Variants in PRR5 observed in about 807,000 individuals in gnomAD.
The protein encoded by PRR5 is proline-rich protein 5.
In PRR5, 25 loss-of-function variants were observed where a neutral mutation model predicts 30.6. The observed-to-expected ratio is 0.82, with a 90% CI of 0.60 to 1.14. The LOEUF is 1.14. PRR5 is among the 50% of genes most tolerant of loss of function. The probability of loss-of-function intolerance (pLI) is 0.00; values close to 1 mark genes in which losing one functional copy is unlikely to be tolerated. For missense variants in PRR5, 600 were observed against 547.1 expected (o/e 1.10, Z -0.96); for synonymous variants, 286 against 247.1 (o/e 1.16, Z -1.48).
At chr22:44,722,382 G>T (rs755410895) in intron 2 of PRR5, among the ~76,000 whole-genome samples, 1 of 152,234 alleles carries the variant, frequency 6.6e-6, no homozygotes, top group East Asian at 1.9e-4. Flanking sequence ...GTGCAGGAAC[G>T]TTAGTATTTT....
intron 1 of PRR5, among the ~76,000 whole-genome samples, chr22:44,695,127 T>G (rs2146979482): frequency 6.6e-6 from 1 of 152,268 alleles, no homozygotes; most frequent in South Asian, 2.1e-4. Context: ...GCCAAGATCG[T>G]GCCAGTGCAC....
upstream of PRR5, among the ~76,000 whole-genome samples, chr22:44,676,123 T>G (rs1923740966): frequency 6.6e-6 from 1 of 151,534 alleles, no homozygotes; most frequent in South Asian, 2.1e-4. Context: ...GTGGCTCATG[T>G]CAGTAACCCC....
rs1389393158 is a variant in PRR5 at position 44,735,601 on chromosome 22, T to C, written c.691+439T>C. 3.3e-5 allele frequency among the ~76,000 whole-genome samples: 5 copies of C among 152,218 alleles called. 1 individual carries two copies. Among genetic ancestry groups the C allele is most frequent in the Admixed American group, 1.3e-4 (2 of 15,290 alleles). On this transcript the variant is annotated intron_variant, in intron 7 of 7. Transcript: ENST00000336985. ...GACTGCTTGGCGCGTCCAGCACAGC[T>C]GGCCACGTTGCTCCCTTGACGGAGG...
In PRR5 at chr22:44,732,242, C is replaced by A; in HGVS notation, c.415-9C>A. On this transcript the variant is annotated splice_polypyrimidine_tract_variant and intron_variant, in intron 5 of 7. Transcript: ENST00000336985. ...ACAGCCGGTGGGGTGGGGTGCCTTC[C>A]GTCCACAGGGCAAGGAGCCATCGGT... is the stretch of plus-strand genomic sequence containing the variant. 6.2e-7 allele frequency: 1 copy of A among 1,610,190 alleles called. No individual in the cohort carries two copies. Among genetic ancestry groups the A allele is most frequent in the East Asian group, 2.2e-5 (1 of 44,848 alleles).
At chr22:44,683,120 T>C (rs747832553) in intron 1 of PRR5, among the ~76,000 whole-genome samples, 11 of 152,142 alleles carry the variant, frequency 7.2e-5, no homozygotes, top group Non-Finnish European at 1.5e-4. Context: ...CTCAGGAGGT[T>C]TCAAGGAGGC....
chr22:44,670,834 T>C (rs107485), intron 1 of PRR5, among the ~76,000 whole-genome samples: 117,093 of 151,970 alleles, frequency 0.77, 45,720 homozygotes, highest in African/African-American at 0.9. Flanking sequence ...CCAGGAGGGG[T>C]GGGTGACGAG....
chr22:44,730,592 C>T, intron 4 of PRR5: 1 of 990,994 alleles, frequency 1.0e-6, no homozygotes, highest in Non-Finnish European at 1.2e-6. Context: ...ATGTCTGCTA[C>T]CTACGTATCT....
At chr22:44,676,390 C>CAAAAAAAAAAAAAA (rs59016907), upstream of PRR5, among the ~76,000 whole-genome samples, 13 of 37,018 alleles carry the variant, frequency 3.5e-4, no homozygotes, top group East Asian at 9.7e-4. Context: ...GACCCTGTCT[C>CAAAAAAAAAAAAAA]AAAAAAAAAA....
chr22:44,681,731 T>A (rs1924307308), intron 1 of PRR5, among the ~76,000 whole-genome samples: 1 of 152,204 alleles, frequency 6.6e-6, no homozygotes, highest in Non-Finnish European at 1.5e-5. Context: ...CCAGGGGCCC[T>A]GCTGGGAAAG....
chr22:44,674,022 T>C (rs1923570546), upstream of PRR5, among the ~76,000 whole-genome samples: 1 of 152,252 alleles, frequency 6.6e-6, no homozygotes, highest in African/African-American at 2.4e-5. Flanking sequence ...GCTCTGATTC[T>C]GCCTGCAGCC....
intron 1 of PRR5, among the ~76,000 whole-genome samples, chr22:44,696,315 C>T (rs1925739935): frequency 1.3e-5 from 2 of 152,262 alleles, no homozygotes; most frequent in South Asian, 2.1e-4. Flanking sequence ...ATGCCATCCT[C>T]GAGCTTGGAC....
chr22:44,684,182 G>A (rs1601954859), intron 1 of PRR5, among the ~76,000 whole-genome samples: 2 of 152,224 alleles, frequency 1.3e-5, no homozygotes, highest in Admixed American at 6.5e-5. Context: ...CACAGAGCCT[G>A]AGCTGTGAGC....
At chr22:44,722,118 C>A (rs1475501265) in intron 2 of PRR5, among the ~76,000 whole-genome samples, 51 of 152,206 alleles carry the variant, frequency 3.4e-4, no homozygotes, top group Admixed American at 3.3e-3. Context: ...CAGGGTGAAC[C>A]TCAGCCTTGT....
chr22:44,704,699 A>G (rs1926909548), intron 1 of PRR5, among the ~76,000 whole-genome samples: 1 of 152,002 alleles, frequency 6.6e-6, no homozygotes, highest in Non-Finnish European at 1.5e-5. Context: ...CTCCTAGCCC[A>G]GCGAGGTATT....
chr22:44,678,324 CTTT>C (rs113676116), intron 1 of PRR5, among the ~76,000 whole-genome samples: 2 of 130,674 alleles, frequency 1.5e-5, no homozygotes, highest in Admixed American at 8.2e-5. Context: ...TCTGCTGGCT[CTTT>C]TTTTTTTTTT....
upstream of PRR5, among the ~76,000 whole-genome samples, chr22:44,675,167 G>A (rs934237065): frequency 7.1e-6 from 1 of 140,850 alleles, no homozygotes; most frequent in South Asian, 2.3e-4. Context: ...GGAGAATGGC[G>A]TGAACCCGGG....
chr22:44,726,686 G>T lies in PRR5; in HGVS notation c.322+52G>T, dbSNP rs1324216149. ...TCTGGGCCATGCTGGGTCCTGGCTG[G>T]CTGCTGGACTGCTGGGCCTCGTGCT... On this transcript the variant is annotated intron_variant, in intron 4 of 7. Transcript: ENST00000336985. 1.9e-6 allele frequency: 3 copies of T among 1,613,056 alleles called. No individual in the cohort carries two copies. In the Admixed American group the frequency reaches 5.0e-5, roughly 27 times the overall value.
In PRR5 at chr22:44,707,804, G is replaced by A. The variant is rs551487856; in HGVS notation, c.134+5196G>A. Reference sequence around the variant, plus strand: ...CCAACACAGACCCCTCCATGTGTTTGGGCCAGAGGGCCTCAACCATGATGG... The same window carrying A: ...CCAACACAGACCCCTCCATGTGTTTAGGCCAGAGGGCCTCAACCATGATGG... On this transcript the variant is annotated intron_variant, in intron 1 of 7. Transcript: ENST00000336985. 9.8e-5 allele frequency among the ~76,000 whole-genome samples: 15 copies of A among 152,334 alleles called. No homozygotes were observed. In the South Asian group the frequency reaches 3.1e-3, roughly 32 times the overall value.
At chr22:44,736,672 T>G in intron 7 of PRR5, 100 bp from the exon 8 acceptor site, 3 of 1,468,954 alleles carry the variant, frequency 2.0e-6, no homozygotes, top group Non-Finnish European at 2.7e-6. Context: ...TCCCTGCAGC[T>G]GCCCCTGCAC....
Sources: allele counts gnomAD v4.1 joint callset (sites outside exome capture counted in the v4.1 genomes callset), GRCh38; gene constraint gnomAD v4.1.1; transcripts MANE v1.5; gene names NCBI Gene and HGNC (gene_info 2026-07-23, HGNC 2026-07-21).